Variants in NUP214 observed in about 807,000 individuals in gnomAD.
NUP214 encodes nucleoporin 214.
NUP214 carries 79 observed loss-of-function variants against 196.2 expected under a neutral mutation model. The observed-to-expected ratio is 0.40, with a 90% CI of 0.34 to 0.49. NUP214 has a LOEUF of 0.49. Among genes scored for constraint, NUP214 ranks in the 20% least tolerant of loss-of-function variants. NUP214 has a pLI of 0.58. For synonymous variants in NUP214, 1,020 were observed against 990.5 expected, an observed-to-expected ratio of 1.03 and a Z score of -0.56; for missense variants, 2,468 against 2,539.0, an observed-to-expected ratio of 0.97 and a Z score of 0.60.
chr9:131,201,854 T>C (rs1484142459), intron 30 of NUP214, 137 bp downstream of exon 30: 3 of 711,982 alleles, frequency 4.2e-6, no homozygotes, highest in Non-Finnish European at 4.9e-6. Context: ...CTGTACTCCC[T>C]TCAGCTGCCT....
chr9:131,147,454 A>T (rs749914561), intron 13 of NUP214, 36 bp from the exon 14 acceptor site: 1 of 1,459,972 alleles, frequency 6.8e-7, no homozygotes, highest in South Asian at 1.2e-5. Flanking sequence ...AAGGTAATAA[A>T]TGCCATCTAT....
chr9:131,223,727 A>ATTTTTTTTTT (rs529624907), intron 32 of NUP214, among the ~76,000 whole-genome samples: 9 of 15,658 alleles, frequency 5.7e-4, no homozygotes, highest in South Asian at 5.1e-3. Context: ...TTATTTATTT[A>ATTTTTTTTTT]TTTTTTTTTT....
chr9:131,207,249 C>CT lies in NUP214; in HGVS notation c.5592+5533dup, dbSNP rs1416254262. Reference sequence around the variant, plus strand: ...CTCAAAACCTAGTAGCCTGCAACAGCTACTTATTTATTATAGTCTTGGATT... The same window carrying CT: ...CTCAAAACCTAGTAGCCTGCAACAGCTTACTTATTTATTATAGTCTTGGATT... On this transcript the variant is annotated intron_variant, in intron 30 of 35. Coordinates refer to ENST00000359428, the MANE Select transcript of NUP214 (RefSeq NM_005085.4). Among the ~76,000 whole-genome samples the CT allele has an allele frequency of 3.9e-5, 6 of 152,318 alleles. No homozygotes were observed. The Middle Eastern group carries it at 0.017, about 432-fold the overall frequency.
At chr9:131,230,074 G>T (rs2131109749) in intron 33 of NUP214, 1 of 228,440 alleles carries the variant, frequency 4.4e-6, no homozygotes. Context: ...GAGTGAGGGG[G>T]CACAGGGGAT....
At chr9:131,144,232 T>G in intron 11 of NUP214, 48 bp from the exon 12 acceptor site, 2 of 1,385,304 alleles carry the variant, frequency 1.4e-6, no homozygotes, top group Non-Finnish European at 2.0e-6. Context: ...TATGTGAACC[T>G]CCACTGTTAC....
rs758148281 is a variant in NUP214, at chr9:131,164,001, A to G, written c.2809+46A>G. The G allele has an allele frequency of 1.9e-6, 3 of 1,612,086 alleles. No individual in the cohort carries two copies. In the South Asian group the frequency reaches 3.3e-5, roughly 18 times the overall value. On this transcript the variant is annotated intron_variant, in intron 20 of 35. Transcript: ENST00000359428. ...CTTTTAACTCCCTTTATTCTCTTCC[A>G]AGTACTGATATCTTAAAAACTGAGT...
In NUP214 at chr9:131,197,694, A is replaced by G. The variant is rs912873772; in HGVS notation, c.4200A>G (p.Pro1400=). 1.2e-6 allele frequency: 2 copies of G among 1,614,178 alleles called. No individual in the cohort carries two copies. The highest frequency in any genetic ancestry group is 1.7e-6 in the Non-Finnish European group (2 of 1,180,018). ...CAACCACCACCTCAGTAGCACCACC[A>G]GCAGCCACCAGCACTTCCTCAACTG... ...SSATTTSVAP[P]AATSTSSTAV... is the part of the protein sequence containing the mutation. Residue 1400 remains proline (P), a synonymous_variant, in exon 29 of 36, where the codon CCA becomes CCG. Coordinates refer to ENST00000359428, the MANE Select transcript of NUP214 (RefSeq NM_005085.4).
chr9:131,163,837 A>G, intron 19 of NUP214, 33 bp from the exon 20 acceptor site: 1 of 1,547,640 alleles, frequency 6.5e-7, no homozygotes, highest in African/African-American at 1.4e-5. Context: ...TTCAGCTCCT[A>G]GTTGGTCTGT....
At chr9:131,225,420 A>G (rs1185418750) in intron 32 of NUP214, among the ~76,000 whole-genome samples, 2 of 152,214 alleles carry the variant, frequency 1.3e-5, no homozygotes, top group African/African-American at 2.4e-5. Flanking sequence ...CTCTGTCTCA[A>G]AAAAAAGAAA....
At chr9:131,209,801 C>T (rs187532531) in intron 30 of NUP214, among the ~76,000 whole-genome samples, 38 of 152,326 alleles carry the variant, frequency 2.5e-4, no homozygotes, top group African/African-American at 9.1e-4. Flanking sequence ...CGCTAATCCT[C>T]CCCAACTTTG....
chr9:131,143,913 T>G (rs1040258690), intron 11 of NUP214, among the ~76,000 whole-genome samples: 2 of 152,228 alleles, frequency 1.3e-5, no homozygotes, highest in African/African-American at 4.8e-5. Context: ...TGTATTTATG[T>G]GACTTTCTAT....
In NUP214 at chr9:131,228,192, C is replaced by G. The variant is rs932541069; in HGVS notation, c.5935C>G (p.Pro1979Ala). 3 of 1,600,320 alleles carry G rather than the reference C, an allele frequency of 1.9e-6. No individual in the cohort carries two copies. The highest frequency in any genetic ancestry group is 2.6e-6 in the Non-Finnish European group (3 of 1,174,750). ...GFGAAPVFGS[P>A]PTFGGSPGFG... ...CGGTGCTGCTCCAGTGTTTGGCAGC[C>G]CTCCTACTTTTGGGGGATCCCCTGG... The change falls in exon 33 of 36, where the codon CCT becomes GCT. Residue 1979 changes from proline to alanine, a missense_variant. By Grantham distance (27) the Pro-to-Ala change is conservative. This residue lies in a region of NUP214 where 262 missense variants were observed against 296.5 expected (regional missense o/e 0.88). Coordinates refer to ENST00000359428, the MANE Select transcript of NUP214 (RefSeq NM_005085.4).
intron 34 of NUP214, among the ~76,000 whole-genome samples, chr9:131,231,429 G>A (rs1165163081): frequency 1.2e-4 from 18 of 152,014 alleles, no homozygotes; most frequent in Admixed American, 1.2e-3. Context: ...CTGACCTCAT[G>A]ATCCACCCAC....
chr9:131,208,831 A>G (rs1056893903), intron 30 of NUP214, among the ~76,000 whole-genome samples: 11 of 151,440 alleles, frequency 7.3e-5, no homozygotes, highest in African/African-American at 2.4e-4. Flanking sequence ...CCTGGCCAAC[A>G]TGGTGACACA....
At chr9:131,131,558 C>G (rs1831544971) in intron 5 of NUP214, among the ~76,000 whole-genome samples, 1 of 152,126 alleles carries the variant, frequency 6.6e-6, no homozygotes, top group Admixed American at 6.5e-5. Context: ...GGTTATGTTT[C>G]TTATTTGTTA....
At chr9:131,157,474 T>G (rs1039173410) in intron 17 of NUP214, among the ~76,000 whole-genome samples, 15 of 144,142 alleles carry the variant, frequency 1.0e-4, no homozygotes, top group Non-Finnish European at 1.7e-4. Context: ...TTTTTTTTTT[T>G]TTTTTTTTGA....
rs55870279 is a variant in NUP214, at chr9:131,133,343, C to T, written c.831+134C>T. The T allele has an allele frequency of 2.7e-3, 1,506 of 549,490 alleles. 20 individuals carry two copies. In the African/African-American group the frequency reaches 0.03, roughly 11 times the overall value. The allele number at this position is 549,490 out of a possible 1,614,324, so 34.0% of individuals were successfully genotyped here. On this transcript the variant is annotated intron_variant, in intron 7 of 35. Coordinates refer to ENST00000359428, the MANE Select transcript of NUP214 (RefSeq NM_005085.4). Reference sequence around the variant, plus strand: ...TTTTTGAGACAAGATCTCACTCTGTCGCCCAGGCTAGAGTGCAGTGATGCG... The same window carrying T: ...TTTTTGAGACAAGATCTCACTCTGTTGCCCAGGCTAGAGTGCAGTGATGCG...
At chr9:131,140,841 A>T in intron 11 of NUP214, 131 bp downstream of exon 11, 1 of 828,464 alleles carries the variant, frequency 1.2e-6, no homozygotes, top group African/African-American at 1.7e-5. Flanking sequence ...AGGAAGGCAC[A>T]CACTAATCTT....
chr9:131,173,321 G>T (rs1014425002), intron 21 of NUP214, among the ~76,000 whole-genome samples: 4 of 148,438 alleles, frequency 2.7e-5, no homozygotes, highest in Non-Finnish European at 4.4e-5. Context: ...CTCCCAAAGT[G>T]CTGGGATTAC....
Sources: gnomAD v4.1 joint callset for allele counts (sites outside exome capture counted in the v4.1 genomes callset) on GRCh38, gnomAD v4.1.1 for gene constraint, gnomAD v4.1.1 regional missense constraint, MANE v1.5 for transcripts, NCBI Gene and HGNC (gene_info 2026-07-23, HGNC 2026-07-21) for gene names.